CYFIP1: variants seen among roughly 807,000 people sequenced by gnomAD.
CYFIP1 encodes cytoplasmic FMR1 interacting protein 1, also known as cytoplasmic FMR1-interacting protein 1.
In CYFIP1, 58 loss-of-function variants were observed where a neutral mutation model predicts 163.5. The ratio of observed to expected loss-of-function variants is 0.35; its 90% CI spans 0.29 to 0.44. The LOEUF (loss-of-function observed/expected upper bound fraction) is 0.44. CYFIP1 is among the 20% of genes least tolerant of loss of function. CYFIP1 has a pLI of 1.00. For synonymous variants in CYFIP1, 663 were observed against 660.7 expected (o/e 1.00, Z -0.05); for missense variants, 1,338 against 1,653.8 (o/e 0.81, Z 3.31).
intron 22 of CYFIP1, among the ~76,000 whole-genome samples, chr15:22,903,171 C>A (rs1402826354): frequency 3.9e-5 from 6 of 152,084 alleles, no homozygotes; most frequent in African/African-American, 1.4e-4. Flanking sequence ...CAGACATGTC[C>A]CTGGCACGCG....
chr15:22,910,503 G>A lies in CYFIP1; in HGVS notation c.2268+17C>T. The A allele has an allele frequency of 6.2e-7, 1 of 1,603,492 alleles. No homozygotes were observed. Among genetic ancestry groups the A allele is most frequent in the Non-Finnish European group, 8.5e-7 (1 of 1,170,426 alleles). On this transcript the variant is annotated intron_variant, in intron 20 of 30. Coordinates refer to ENST00000617928, the MANE Select transcript of CYFIP1 (RefSeq NM_014608.6). ...ATGCACACTCTACGTCCCCACCACA[G>A]CCCGGCCCCAGCTCACCTGCACATG...
Position 22,939,280 on chromosome 15 carries a change from T to C in CYFIP1, c.707A>G (p.Glu236Gly). 1 of 1,614,004 alleles carries C rather than the reference T, an allele frequency of 6.2e-7. No individual in the cohort carries two copies. The highest frequency in any genetic ancestry group is 8.5e-7 in the Non-Finnish European group (1 of 1,179,986). ...CAGATTCACAATATCTGCCAGGAGC[T>C]CTTCGTAGCCAGAAATCACTTCGAG... ...QQLEVISGYE[E>G]LLADIVNLCV... is the part of the protein sequence containing the mutation. Residue 236 changes from glutamate to glycine, a missense_variant, in exon 8 of 31, where the codon GAG becomes GGG. Glu to Gly is a moderately conservative substitution (Grantham distance 98, BLOSUM62 -2). Transcript: ENST00000617928.
At chr15:22,882,001 G>C in intron 24 of CYFIP1, 65 bp from the exon 25 acceptor site, 1 of 1,403,494 alleles carries the variant, frequency 7.1e-7, no homozygotes, top group South Asian at 1.2e-5. Context: ...CCTGTGGCCG[G>C]CGCATACCCT....
intron 20 of CYFIP1, 116 bp from the exon 21 acceptor site, chr15:22,909,429 A>G: frequency 2.3e-6 from 3 of 1,322,532 alleles, no homozygotes; most frequent in Non-Finnish European, 3.2e-6. Context: ...CACCCTTTAC[A>G]ACCACGTTCA....
At chr15:22,909,157 G>C (rs773203662) in intron 21 of CYFIP1, 37 bp downstream of exon 21, 1 of 1,611,956 alleles carries the variant, frequency 6.2e-7, no homozygotes, top group Non-Finnish European at 8.5e-7. Flanking sequence ...CCTACCCTTA[G>C]TCCAATTTAT....
Position 22,938,228 on chromosome 15 carries a change from A to G in CYFIP1, c.795+964T>C, listed in dbSNP as rs569732821. On this transcript the variant is annotated intron_variant, in intron 8 of 30. Coordinates refer to ENST00000617928, the MANE Select transcript of CYFIP1 (RefSeq NM_014608.6). ...ATAATAAAGAATATGGTGAACCAACAAAAGGCTACTTTAATTATGTGACAC... is the reference window on the plus strand; with the variant it reads ...ATAATAAAGAATATGGTGAACCAACGAAAGGCTACTTTAATTATGTGACAC... Among the ~76,000 whole-genome samples, 619 of 152,314 alleles carry G rather than the reference A, an allele frequency of 4.1e-3. 3 individuals are homozygous for G. Among genetic ancestry groups the G allele is most frequent in the African/African-American group, 0.014 (575 of 41,566 alleles).
chr15:22,949,347 T>G (rs2062171700), intron 1 of CYFIP1, among the ~76,000 whole-genome samples: 1 of 151,748 alleles, frequency 6.6e-6, no homozygotes, highest in African/African-American at 2.4e-5. Context: ...CAACTTGGGA[T>G]CCTCCCTCAA....
chr15:22,880,492 C>T (rs1006346951), intron 25 of CYFIP1, among the ~76,000 whole-genome samples: 1 of 152,204 alleles, frequency 6.6e-6, no homozygotes, highest in Middle Eastern at 3.2e-3. Context: ...AGGCCGCACA[C>T]CAGGCCAGCT....
intron 22 of CYFIP1, among the ~76,000 whole-genome samples, chr15:22,899,654 T>C (rs932632260): frequency 6.6e-6 from 1 of 152,192 alleles, no homozygotes; most frequent in African/African-American, 2.4e-5. Flanking sequence ...TAAACCTCTT[T>C]CTTTTGTAAA....
intron 1 of CYFIP1, among the ~76,000 whole-genome samples, chr15:22,950,899 A>G (rs887330003): frequency 6.6e-6 from 1 of 151,046 alleles, no homozygotes; most frequent in Non-Finnish European, 1.5e-5. Flanking sequence ...AGGGCAAGAG[A>G]GAGAGAGAGA....
At chr15:22,937,705 T>C (rs879463221) in intron 8 of CYFIP1, among the ~76,000 whole-genome samples, 4 of 151,676 alleles carry the variant, frequency 2.6e-5, no homozygotes, top group Non-Finnish European at 4.4e-5. Context: ...TTCAAGCGAT[T>C]CTCCTGCCTC....
chr15:22,894,471 G>A (rs1383952479), intron 22 of CYFIP1, among the ~76,000 whole-genome samples: 1 of 151,216 alleles, frequency 6.6e-6, no homozygotes, highest in African/African-American at 2.4e-5. Context: ...TGTATTTTTA[G>A]TAGAGACAGG....
At chr15:22,940,676 C>T (rs1394032487) in intron 6 of CYFIP1, among the ~76,000 whole-genome samples, 1 of 152,206 alleles carries the variant, frequency 6.6e-6, no homozygotes, top group Non-Finnish European at 1.5e-5. Context: ...TGTTATTTAT[C>T]TGGGCTTTAA....
At chr15:22,965,395 G>T (rs2062870303) in intron 1 of CYFIP1, among the ~76,000 whole-genome samples, 1 of 152,224 alleles carries the variant, frequency 6.6e-6, no homozygotes, top group Admixed American at 6.5e-5. Flanking sequence ...GAAGGCAGAG[G>T]TTGTGGTGAG....
chr15:22,900,101 A>T (rs952198735), intron 22 of CYFIP1, among the ~76,000 whole-genome samples: 2 of 152,156 alleles, frequency 1.3e-5, no homozygotes, highest in Admixed American at 6.5e-5. Flanking sequence ...TGCTGGAAAG[A>T]GGGTCACCAC....
In CYFIP1 at chr15:22,937,179, A is replaced by G; in HGVS notation, c.825T>C (p.Asp275=). ...KVMGFGLYLM[D]GSVSNIYKLD... is the part of the protein sequence containing the mutation. ...ACTTATAGATGTTACTGACACTCCCATCCATCAGGTACAGACCAAATCCCA... is the reference window on the plus strand; with the variant it reads ...ACTTATAGATGTTACTGACACTCCCGTCCATCAGGTACAGACCAAATCCCA... The change falls in exon 9 of 31, where the codon GAT becomes GAC. Residue 275 remains aspartate, a synonymous_variant. Coordinates refer to ENST00000617928, the MANE Select transcript of CYFIP1 (RefSeq NM_014608.6). 6.2e-7 allele frequency: 1 copy of G among 1,613,254 alleles called. No homozygotes were observed. The highest frequency in any genetic ancestry group is 1.3e-5 in the African/African-American group (1 of 75,048).
intron 1 of CYFIP1, among the ~76,000 whole-genome samples, chr15:22,972,151 A>C (rs960702490): frequency 6.6e-6 from 1 of 152,128 alleles, no homozygotes; most frequent in Non-Finnish European, 1.5e-5. Context: ...AATATACTAC[A>C]GAGGCTGGGC....
Position 22,916,461 on chromosome 15 carries a change from C to T in CYFIP1, c.1828+16G>A. On this transcript the variant is annotated intron_variant, in intron 16 of 30. Coordinates refer to ENST00000617928, the MANE Select transcript of CYFIP1 (RefSeq NM_014608.6). ...AGGACATGCCAGGCCGGATGCTGCTCAGCAGTATCTCTTACCACTGAAATT... is the reference window on the plus strand; with the variant it reads ...AGGACATGCCAGGCCGGATGCTGCTTAGCAGTATCTCTTACCACTGAAATT... The T allele has an allele frequency of 6.4e-7, 1 of 1,566,332 alleles. No homozygotes were observed. Among genetic ancestry groups the T allele is most frequent in the Non-Finnish European group, 8.8e-7 (1 of 1,139,278 alleles).
intron 18 of CYFIP1, among the ~76,000 whole-genome samples, chr15:22,911,816 G>C (rs1244300811): frequency 2.0e-5 from 3 of 152,264 alleles, no homozygotes. Flanking sequence ...TTGTCCTATA[G>C]AAGTCATGCG....
Sources: gnomAD v4.1 joint callset for allele counts (sites outside exome capture counted in the v4.1 genomes callset) on GRCh38, gnomAD v4.1.1 for gene constraint, MANE v1.5 for transcripts, NCBI Gene and HGNC (gene_info 2026-07-23, HGNC 2026-07-21) for gene names.